The following MAMDC2 variants were observed in gnomAD, a reference collection of about 807,000 sequenced individuals.
The protein encoded by MAMDC2 is MAM domain-containing protein 2.
In MAMDC2, 57 loss-of-function variants were observed where a neutral mutation model predicts 89.8. That is an observed-to-expected ratio of 0.63 (90% confidence interval 0.51 to 0.79). The LOEUF (loss-of-function observed/expected upper bound fraction) is 0.79, where lower values mean the gene tolerates loss of function less well. Among genes scored for constraint, MAMDC2 ranks in the 30% least tolerant of loss-of-function variants. The pLI is 0.00. For synonymous variants in MAMDC2, 313 were observed against 293.4 expected, an observed-to-expected ratio of 1.07 and a Z score of -0.68; for missense variants, 800 against 820.6, an observed-to-expected ratio of 0.97 and a Z score of 0.31.
chr9:70,122,912 C>T (rs975916874), intron 5 of MAMDC2, among the ~76,000 whole-genome samples: 1 of 152,234 alleles, frequency 6.6e-6, no homozygotes, highest in East Asian at 1.9e-4. Flanking sequence ...CCATGGCAGA[C>T]AGAATGGCCT....
At chr9:70,207,879 T>G (rs1471953797) in intron 11 of MAMDC2, among the ~76,000 whole-genome samples, 4 of 152,216 alleles carry the variant, frequency 2.6e-5, no homozygotes, top group Non-Finnish European at 5.9e-5. Flanking sequence ...CACTATTTAT[T>G]AAATAGGGAA....
At chr9:70,199,385 A>AT (rs926040264) in intron 11 of MAMDC2, among the ~76,000 whole-genome samples, 18 of 146,056 alleles carry the variant, frequency 1.2e-4, no homozygotes, top group Admixed American at 2.1e-4. Flanking sequence ...TGAACTCATC[A>AT]TTTTTTATGG....
intron 2 of MAMDC2, among the ~76,000 whole-genome samples, chr9:70,084,525 C>T (rs2118149483): frequency 1.3e-5 from 2 of 152,158 alleles, no homozygotes; most frequent in Middle Eastern, 6.8e-3. Flanking sequence ...CCCAGTGGTT[C>T]TTTTTTCTCA....
chr9:70,179,642 C>T (rs2309636), intron 11 of MAMDC2, among the ~76,000 whole-genome samples: 115,863 of 146,752 alleles, frequency 0.79, 45,598 homozygotes, highest in Admixed American at 0.83. Flanking sequence ...AAAACAAAAG[C>T]TTTAAAATCT....
chr9:70,180,640 T>C (rs1416201034), intron 11 of MAMDC2, among the ~76,000 whole-genome samples: 1 of 152,266 alleles, frequency 6.6e-6, no homozygotes, highest in African/African-American at 2.4e-5. Context: ...TTTTCATGTT[T>C]GTTGGCTGCA....
At chr9:70,134,243 T>C (rs1203779648) in intron 7 of MAMDC2, among the ~76,000 whole-genome samples, 12 of 151,998 alleles carry the variant, frequency 7.9e-5, no homozygotes. Flanking sequence ...CATCTCATAG[T>C]CACAGGTACT....
intron 5 of MAMDC2, among the ~76,000 whole-genome samples, chr9:70,119,180 C>G (rs1015459513): frequency 7.0e-5 from 8 of 114,472 alleles, no homozygotes; most frequent in African/African-American, 3.3e-4. Flanking sequence ...TTCTACATAC[C>G]TTAGCAAAAA....
At chr9:70,113,222 G>C (rs536356836) in intron 5 of MAMDC2, 90 bp downstream of exon 5, 1 of 1,459,102 alleles carries the variant, frequency 6.9e-7, no homozygotes, top group East Asian at 2.4e-5. Context: ...TGTGGCTTCT[G>C]TCAACAGGGA....
intron 11 of MAMDC2, among the ~76,000 whole-genome samples, chr9:70,200,879 T>C (rs1311954709): frequency 7.6e-6 from 1 of 132,114 alleles, no homozygotes; most frequent in Non-Finnish European, 1.6e-5. Flanking sequence ...ATAAGAATGC[T>C]TGTGATTTTT....
At chr9:70,204,165 T>C (rs1215385838) in intron 11 of MAMDC2, among the ~76,000 whole-genome samples, 1 of 150,352 alleles carries the variant, frequency 6.7e-6, no homozygotes, top group Non-Finnish European at 1.5e-5. Flanking sequence ...TTCTGTTCTG[T>C]TTTTTCCCCA....
intron 2 of MAMDC2, among the ~76,000 whole-genome samples, chr9:70,067,393 T>C (rs1481418105): frequency 6.6e-6 from 1 of 152,102 alleles, no homozygotes; most frequent in African/African-American, 2.4e-5. Flanking sequence ...GTGGCATAGA[T>C]ATTGTCAGGA....
At chr9:70,203,290 T>G (rs1194676125) in intron 11 of MAMDC2, among the ~76,000 whole-genome samples, 5 of 151,630 alleles carry the variant, frequency 3.3e-5, no homozygotes, top group African/African-American at 9.7e-5. Flanking sequence ...GTCTGTAAAG[T>G]ATTTTATTTC....
At chr9:70,210,196 C>G (rs905267018) in intron 11 of MAMDC2, among the ~76,000 whole-genome samples, 1 of 152,194 alleles carries the variant, frequency 6.6e-6, no homozygotes, top group East Asian at 1.9e-4. Flanking sequence ...TCCTTGTTAA[C>G]TTTCTGTCTC....
intron 5 of MAMDC2, among the ~76,000 whole-genome samples, chr9:70,115,142 A>ACACCAT (rs1024643071): frequency 4.0e-4 from 61 of 152,262 alleles, no homozygotes; most frequent in African/African-American, 1.0e-3. Flanking sequence ...CAGGGGAGAG[A>ACACCAT]CACCATCACA....
intron 5 of MAMDC2, among the ~76,000 whole-genome samples, chr9:70,116,656 G>A (rs1042526541): frequency 6.7e-6 from 1 of 148,950 alleles, no homozygotes; most frequent in Admixed American, 6.7e-5. Context: ...AATGGCTTGA[G>A]TCCCTCCTGG....
Position 70,180,969 on chromosome 9 carries a change from G to A in MAMDC2, c.1651+10338G>A, listed in dbSNP as rs11141980. 0.01 allele frequency among the ~76,000 whole-genome samples: 1,580 copies of A among 152,192 alleles called. 73 individuals are homozygous for A. The East Asian group carries it at 0.16, about 15-fold the overall frequency. On this transcript the variant is annotated intron_variant, in intron 11 of 13. Transcript: ENST00000377182. ...ATGGTATTGCCTAGGTTTTCTTCAT[G>A]GTTTTTATGGTTTTAGGTTTTATAC... is the stretch of plus-strand genomic sequence containing the variant.
intron 2 of MAMDC2, among the ~76,000 whole-genome samples, chr9:70,050,347 G>A (rs964339226): frequency 6.6e-6 from 1 of 152,146 alleles, no homozygotes; most frequent in African/African-American, 2.4e-5. Flanking sequence ...ACGTGCTCCT[G>A]GTTCATTCTG....
At chr9:70,088,574 A>G (rs943941988) in intron 2 of MAMDC2, 1 of 151,804 alleles carries the variant, frequency 6.6e-6, no homozygotes, top group African/African-American at 2.4e-5. Flanking sequence ...TAGGCATACA[A>G]TGGTGGTTCA....
At chr9:70,144,169 T>C (rs2031320302) in intron 9 of MAMDC2, among the ~76,000 whole-genome samples, 1 of 152,222 alleles carries the variant, frequency 6.6e-6, no homozygotes, top group Admixed American at 6.5e-5. Context: ...TCCCTCCCTC[T>C]TTCTCAAACA....
Sources: gnomAD v4.1 joint callset for allele counts (sites outside exome capture counted in the v4.1 genomes callset) on GRCh38, gnomAD v4.1.1 for gene constraint, MANE v1.5 for transcripts, NCBI Gene and HGNC (gene_info 2026-07-23, HGNC 2026-07-21) for gene names.